Variants in TRMT10B observed in about 807,000 individuals in gnomAD.
The protein encoded by TRMT10B is tRNA methyltransferase 10B, also known as tRNA methyltransferase 10 homolog B.
TRMT10B carries 33 observed loss-of-function variants against 43.8 expected under a neutral mutation model. The ratio of observed to expected loss-of-function variants is 0.75; its 90% confidence interval spans 0.57 to 1.01. TRMT10B has a LOEUF of 1.01. TRMT10B is among the 50% of genes least tolerant of loss of function. The pLI is 0.00. For missense variants in TRMT10B, 362 were observed against 369.8 expected, an observed-to-expected ratio of 0.98 and a Z score of 0.17; for synonymous variants, 137 against 130.6, an observed-to-expected ratio of 1.05 and a Z score of -0.34.
Position 37,770,759 on chromosome 9 carries a change from C to T in TRMT10B, c.720+20C>T. ...CAGAAGGTAAGTATACATTTCAGCC[C>T]CAACATCTGTTTTAAAAAGCAGTGC... On this transcript the variant is annotated intron_variant, in intron 7 of 8. Transcript: ENST00000297994. The T allele has an allele frequency of 1.9e-6, 3 of 1,612,542 alleles. No individual in the cohort carries two copies. Among genetic ancestry groups the T allele is most frequent in the Middle Eastern group, 1.7e-4 (1 of 6,008 alleles).
rs1827968052 is a variant in TRMT10B, at chr9:37,774,793, C to G, written c.721-1489C>G. Among the ~76,000 whole-genome samples, 3 of 152,242 alleles carry G rather than the reference C, an allele frequency of 2.0e-5. No homozygotes were observed. In the South Asian group the frequency reaches 6.2e-4, roughly 31 times the overall value. On this transcript the variant is annotated intron_variant, in intron 7 of 8. Transcript: ENST00000297994. The stretch of plus-strand genomic sequence containing the variant: ...GAAAAGGTACTAGGTCCACTTCACA[C>G]TATTCCACCTGGTTAGACCATACTC...
intron 7 of TRMT10B, among the ~76,000 whole-genome samples, chr9:37,773,208 AG>A (rs566646964): frequency 3.1e-3 from 466 of 152,260 alleles, no homozygotes; most frequent in African/African-American, 0.01. Context: ...TCTGGTCTCA[AG>A]CAATCCTTGC....
chr9:37,752,932 TG>T (rs548683958), upstream of TRMT10B, among the ~76,000 whole-genome samples: 163 of 152,178 alleles, frequency 1.1e-3, no homozygotes, highest in African/African-American at 2.7e-3. Flanking sequence ...TTCTGGACTG[TG>T]GGTGCTTTGT....
intron 1 of TRMT10B, among the ~76,000 whole-genome samples, chr9:37,756,871 T>C (rs942473739): frequency 2.6e-5 from 4 of 151,952 alleles, no homozygotes; most frequent in Admixed American, 6.6e-5. Context: ...CACATATACA[T>C]ACACACATAT....
intron 1 of TRMT10B, among the ~76,000 whole-genome samples, chr9:37,760,451 T>C (rs1240782607): frequency 6.6e-6 from 1 of 152,214 alleles, no homozygotes; most frequent in Non-Finnish European, 1.5e-5. Flanking sequence ...CTTGAGCAGG[T>C]TGAGGCTGTA....
At chr9:37,756,905 C>G (rs1276370972) in intron 1 of TRMT10B, among the ~76,000 whole-genome samples, 1 of 151,874 alleles carries the variant, frequency 6.6e-6, no homozygotes, top group Non-Finnish European at 1.5e-5. Context: ...TGTGAGGTGG[C>G]TCACATCTCT....
intron 7 of TRMT10B, among the ~76,000 whole-genome samples, chr9:37,775,179 A>G (rs1004685567): frequency 2.6e-5 from 4 of 152,236 alleles, no homozygotes; most frequent in Non-Finnish European, 5.9e-5. Flanking sequence ...ACTCCCTGTC[A>G]CAAGAGCTGT....
chr9:37,777,789 T>C lies in TRMT10B; in HGVS notation c.*82T>C. 1 of 1,146,122 alleles carries C rather than the reference T, an allele frequency of 8.7e-7. No homozygotes were observed. The highest frequency in any genetic ancestry group is 1.3e-6 in the Non-Finnish European group (1 of 766,902). 71.0% of individuals were successfully genotyped at this position (1,146,122 alleles called of 1,614,324 possible). On this transcript the variant is annotated 3_prime_UTR_variant, in exon 9 of 9. Transcript: ENST00000297994. ...GGTAGACCGAAGTGGGCAGATCACC[T>C]GAGGTCAGGAGTTCACGACCAGCCT...
chr9:37,768,229 G>T lies in TRMT10B; in HGVS notation c.573+1G>T, dbSNP rs1475639950. On this transcript the variant is annotated splice_donor_variant, in intron 5 of 8. Coordinates refer to ENST00000297994, the MANE Select transcript of TRMT10B (RefSeq NM_144964.4). LOFTEE classifies it high-confidence loss of function. ...GAATGATGGATTTTCTAGTTACCTG[G>T]TAAGTCTCTTTTTGCATATTATTTG... The T allele has an allele frequency of 5.0e-6, 8 of 1,609,580 alleles. No individual in the cohort carries two copies. Among genetic ancestry groups the T allele is most frequent in the African/African-American group, 1.3e-5 (1 of 74,806 alleles).
chr9:37,764,681 C>T (rs1010173540), intron 4 of TRMT10B, among the ~76,000 whole-genome samples: 1 of 152,030 alleles, frequency 6.6e-6, no homozygotes, highest in Non-Finnish European at 1.5e-5. Flanking sequence ...GCCTCAGCCT[C>T]CCAAAGTGCT....
At chr9:37,759,924 C>T (rs919378291) in intron 1 of TRMT10B, among the ~76,000 whole-genome samples, 2 of 152,142 alleles carry the variant, frequency 1.3e-5, no homozygotes, top group Non-Finnish European at 2.9e-5. Flanking sequence ...GTATATTTTA[C>T]CACATACACA....
At chr9:37,761,590 C>T (rs1176492227) in intron 1 of TRMT10B, among the ~76,000 whole-genome samples, 1 of 152,102 alleles carries the variant, frequency 6.6e-6, no homozygotes, top group African/African-American at 2.4e-5. Context: ...CCCAGCTACT[C>T]AGGAGGCTGA....
chr9:37,769,970 T>A lies in TRMT10B; in HGVS notation c.603T>A (p.Ser201Arg), dbSNP rs777800251. Residue 201 changes from serine to arginine, a missense_variant, in exon 6 of 9, where the codon AGT becomes AGA. Ser to Arg is a moderately radical substitution (Grantham distance 110). Coordinates refer to ENST00000297994, the MANE Select transcript of TRMT10B (RefSeq NM_144964.4). ...LLDITEEDCF[S>R]LFPLETLVYL... Reference sequence around the variant, plus strand: ...ACATAACAGAAGAAGACTGCTTTAGTTTATTTCCCTTGGAAACCCTTGTGT... The same window carrying A: ...ACATAACAGAAGAAGACTGCTTTAGATTATTTCCCTTGGAAACCCTTGTGT... 2 of 1,614,090 alleles carry A rather than the reference T, an allele frequency of 1.2e-6. No homozygotes were observed. Among genetic ancestry groups the A allele is most frequent in the South Asian group, 2.2e-5 (2 of 91,084 alleles).
intron 5 of TRMT10B, 105 bp downstream of exon 5, chr9:37,768,333 A>G: frequency 2.3e-6 from 3 of 1,315,236 alleles, no homozygotes; most frequent in Non-Finnish European, 3.1e-6. Context: ...TCAGTATTGA[A>G]GTCTAAAAAA....
At chr9:37,772,427 C>T (rs62539384) in intron 7 of TRMT10B, among the ~76,000 whole-genome samples, 1,880 of 151,856 alleles carry the variant, frequency 0.012, 19 homozygotes, top group Admixed American at 0.017. Flanking sequence ...GCTGGGATTA[C>T]GGGTGTGAGC....
In TRMT10B at chr9:37,761,996, G is replaced by A. The variant is rs540910710; in HGVS notation, c.65G>A (p.Gly22Asp). The A allele has an allele frequency of 6.2e-7, 1 of 1,614,052 alleles. No homozygotes were observed. The highest frequency in any genetic ancestry group is 2.2e-5 in the East Asian group (1 of 44,884). Residue 22 changes from glycine to aspartate, a missense_variant, in exon 2 of 9, where the codon GGC (glycine) becomes GAC (aspartate). Physicochemically the swap from Gly to Asp is moderately conservative, Grantham distance 94 (BLOSUM62 -1). Transcript: ENST00000297994. Reference protein sequence around the residue: ...VESPVLQGQEGILEETGEDGL... With the variant: ...VESPVLQGQEDILEETGEDGL... ...TCACCTGTGCTGCAGGGGCAAGAAG[G>A]CATCCTAGAGGAGACAGGTGAAGAT... is the stretch of plus-strand genomic sequence containing the variant.
chr9:37,777,239 C>G (rs1420579727), intron 8 of TRMT10B, among the ~76,000 whole-genome samples: 2 of 131,364 alleles, frequency 1.5e-5, no homozygotes, highest in African/African-American at 3.1e-5. Flanking sequence ...AAAATTGTCC[C>G]CTTCATCTAG....
chr9:37,764,194 G>A (rs1463851775), intron 4 of TRMT10B, among the ~76,000 whole-genome samples: 6 of 152,054 alleles, frequency 3.9e-5, no homozygotes, highest in African/African-American at 1.4e-4. Flanking sequence ...TGTCACCTAG[G>A]CTGGAGTACA....
intron 4 of TRMT10B, 36 bp from the exon 5 acceptor site, chr9:37,768,040 A>G (rs753166814): frequency 6.2e-7 from 1 of 1,608,320 alleles, no homozygotes; most frequent in Non-Finnish European, 8.5e-7. Context: ...GTGAGTTGGC[A>G]TGTTTTTGCC....
Sources: gnomAD v4.1 joint callset for allele counts (sites outside exome capture counted in the v4.1 genomes callset) on GRCh38, gnomAD v4.1.1 for gene constraint, MANE v1.5 for transcripts, NCBI Gene and HGNC (gene_info 2026-07-23, HGNC 2026-07-21) for gene names.